TBL1XR1: variants seen among roughly 807,000 people sequenced by gnomAD.
TBL1XR1 encodes the protein F-box-like/WD repeat-containing protein TBL1XR1.
TBL1XR1 carries 5 observed loss-of-function variants against 66.9 expected under a neutral mutation model. That is an observed-to-expected ratio of 0.07 (90% confidence interval 0.04 to 0.16). The LOEUF is 0.16. TBL1XR1 is among the 10% of genes least tolerant of loss of function. The pLI, the probability that TBL1XR1 is intolerant of heterozygous loss-of-function variation, is 1.00. For synonymous variants in TBL1XR1, 210 were observed against 206.0 expected (o/e 1.02, Z -0.17); for missense variants, 238 against 623.2 (o/e 0.38, Z 6.58).
chr3:177,126,018 A>C (rs1489206794), intron 1 of TBL1XR1: 1 of 152,230 alleles, frequency 6.6e-6, no homozygotes, highest in East Asian at 1.9e-4. Context: ...TGCGTAATAA[A>C]AAATATGAAA....
In TBL1XR1 at chr3:177,057,520, A is replaced by C. The variant is rs182617339; in HGVS notation, c.59-3602T>G. ...ATAATGTATTTTGGCACATCAAAAAAATCTGTGACTCCAGAAAAAGCATAT... is the reference window on the plus strand; with the variant it reads ...ATAATGTATTTTGGCACATCAAAAACATCTGTGACTCCAGAAAAAGCATAT... On this transcript the variant is annotated intron_variant, in intron 3 of 15. Transcript: ENST00000457928. Among the ~76,000 whole-genome samples the C allele has an allele frequency of 3.3e-4, 50 of 152,358 alleles. 1 individual carries two copies. Among genetic ancestry groups the C allele is most frequent in the Admixed American group, 2.7e-3 (41 of 15,300 alleles).
Position 177,093,770 on chromosome 3 carries a change from A to G in TBL1XR1, c.-46+4696T>C, listed in dbSNP as rs200217029. Among the ~76,000 whole-genome samples the G allele has an allele frequency of 9.8e-5, 15 of 152,346 alleles. No individual in the cohort carries two copies. The East Asian group carries it at 2.9e-3, about 29-fold the overall frequency. Reference sequence around the variant, plus strand: ...GGTGCTGGGAGAATTGGCAAGCCATATGTAGAAGAAGGAAACTGTATCCTC... The same window carrying G: ...GGTGCTGGGAGAATTGGCAAGCCATGTGTAGAAGAAGGAAACTGTATCCTC... On this transcript the variant is annotated intron_variant, in intron 2 of 15. Coordinates refer to ENST00000457928, the MANE Select transcript of TBL1XR1 (RefSeq NM_024665.7).
intron 2 of TBL1XR1, among the ~76,000 whole-genome samples, chr3:177,071,586 T>C (rs1398043591): frequency 6.6e-6 from 1 of 152,020 alleles, no homozygotes; most frequent in Non-Finnish European, 1.5e-5. Flanking sequence ...ACAGCCCAAG[T>C]ATCAAAGTAT....
chr3:177,083,556 C>T (rs962087117), intron 2 of TBL1XR1, among the ~76,000 whole-genome samples: 1 of 152,064 alleles, frequency 6.6e-6, no homozygotes, highest in African/African-American at 2.4e-5. Flanking sequence ...AATCTGACTT[C>T]GAGAAATATC....
At chr3:177,186,266 C>G (rs1237798563) in intron 1 of TBL1XR1, among the ~76,000 whole-genome samples, 1 of 152,156 alleles carries the variant, frequency 6.6e-6, no homozygotes, top group Non-Finnish European at 1.5e-5. Context: ...GAAAACCCAT[C>G]ATTTTACTAG....
chr3:177,169,954 T>C (rs910960661), intron 1 of TBL1XR1, among the ~76,000 whole-genome samples: 14 of 152,174 alleles, frequency 9.2e-5, no homozygotes, highest in Admixed American at 7.9e-4. Context: ...TCTCAGGTCC[T>C]AGCCTAGGAC....
chr3:177,119,513 G>A (rs538615108), intron 1 of TBL1XR1, among the ~76,000 whole-genome samples: 189 of 152,282 alleles, frequency 1.2e-3, no homozygotes, highest in Non-Finnish European at 2.4e-3. Flanking sequence ...CTGAGGCAGA[G>A]AAACCTACAT....
intron 1 of TBL1XR1, chr3:177,136,249 T>C (rs993289211): frequency 1.3e-5 from 2 of 152,182 alleles, no homozygotes; most frequent in African/African-American, 2.4e-5. Flanking sequence ...CCAAAAGCCA[T>C]AGACAAAAGC....
chr3:177,095,830 A>T (rs1723410513), intron 2 of TBL1XR1, among the ~76,000 whole-genome samples: 1 of 152,188 alleles, frequency 6.6e-6, no homozygotes, highest in African/African-American at 2.4e-5. Context: ...GTAAAAGAAG[A>T]GTGAAGGCAA....
chr3:177,131,906 TAAA>T lies in TBL1XR1; in HGVS notation c.-121-33368_-121-33366del, dbSNP rs71626253. Among the ~76,000 whole-genome samples, 1,098 of 144,972 alleles carry T rather than the reference TAAA, an allele frequency of 7.6e-3. 4 individuals are homozygous for T. Among genetic ancestry groups the T allele is most frequent in the African/African-American group, 0.015 (601 of 39,124 alleles). On this transcript the variant is annotated intron_variant, in intron 1 of 15. Coordinates refer to ENST00000457928, the MANE Select transcript of TBL1XR1 (RefSeq NM_024665.7). ...TGGCATTTACATTCTAGTGGAAGTT[TAAA>T]AAAAAAAAAAAAAAAGGAAACACAA...
At chr3:177,026,769 A>G in intron 14 of TBL1XR1, 1 of 270,452 alleles carries the variant, frequency 3.7e-6, no homozygotes, top group Non-Finnish European at 6.8e-6. Context: ...GCTAGAAGTA[A>G]ACAGTCAGTC....
At chr3:177,119,410 G>A (rs1257907704) in intron 1 of TBL1XR1, among the ~76,000 whole-genome samples, 2 of 151,980 alleles carry the variant, frequency 1.3e-5, no homozygotes, top group African/African-American at 4.8e-5. Context: ...TTTTCCAATC[G>A]ATGGCTGGAT....
chr3:177,140,946 G>T (rs1465450428), intron 1 of TBL1XR1, among the ~76,000 whole-genome samples: 1 of 152,028 alleles, frequency 6.6e-6, no homozygotes, highest in Non-Finnish European at 1.5e-5. Context: ...ATTATATATG[G>T]CCCAAGACAA....
At chr3:177,153,250 A>G (rs1731107460) in intron 1 of TBL1XR1, among the ~76,000 whole-genome samples, 1 of 152,244 alleles carries the variant, frequency 6.6e-6, no homozygotes, top group South Asian at 2.1e-4. Context: ...CCAAACTAAA[A>G]GTAGATAGAA....
intron 1 of TBL1XR1, among the ~76,000 whole-genome samples, chr3:177,120,330 A>G (rs1726837993): frequency 6.6e-6 from 1 of 152,102 alleles, no homozygotes; most frequent in Non-Finnish European, 1.5e-5. Context: ...GGATGTTTCT[A>G]AAGAATGCTG....
intron 5 of TBL1XR1, 127 bp from the exon 6 acceptor site, chr3:177,050,737 G>T: frequency 1.2e-6 from 1 of 816,460 alleles, no homozygotes; most frequent in Non-Finnish European, 1.7e-6. Flanking sequence ...ATTATATCCA[G>T]TTAAGCTGAA....
chr3:177,140,602 G>A (rs1301391534), intron 1 of TBL1XR1, among the ~76,000 whole-genome samples: 2 of 152,112 alleles, frequency 1.3e-5, no homozygotes, highest in Non-Finnish European at 2.9e-5. Flanking sequence ...AACACAACAC[G>A]ACCTGGAAGA....
intron 3 of TBL1XR1, among the ~76,000 whole-genome samples, 151 bp from the exon 4 acceptor site, chr3:177,054,069 T>C (rs1560121688): frequency 1.4e-5 from 2 of 145,218 alleles, no homozygotes; most frequent in African/African-American, 5.1e-5. Context: ...TGTGTGTGTG[T>C]GTGTGCGCGC....
At chr3:177,178,800 C>T (rs1205408712) in intron 1 of TBL1XR1, among the ~76,000 whole-genome samples, 1 of 152,098 alleles carries the variant, frequency 6.6e-6, no homozygotes, top group Non-Finnish European at 1.5e-5. Flanking sequence ...ACCCATGGAA[C>T]TGCTGTGGTT....
Sources: gnomAD v4.1 joint callset for allele counts (sites outside exome capture counted in the v4.1 genomes callset) on GRCh38, gnomAD v4.1.1 for gene constraint, MANE v1.5 for transcripts, NCBI Gene and HGNC (gene_info 2026-07-23, HGNC 2026-07-21) for gene names.